FGF11: variants seen among roughly 807,000 people sequenced by gnomAD.
FGF11 encodes fibroblast growth factor homologous factor 3.
A neutral mutation model predicts 25.1 loss-of-function variants in FGF11; 25 were observed. The ratio of observed to expected loss-of-function variants is 1.00; its 90% CI spans 0.73 to 1.39. The LOEUF is 1.39. Ranked by LOEUF, FGF11 falls within the 40% of genes most tolerant of loss-of-function variation. FGF11 has a pLI of 0.00. For missense variants in FGF11, 320 were observed against 311.0 expected, an observed-to-expected ratio of 1.03 and a Z score of -0.22; for synonymous variants, 130 against 128.9, an observed-to-expected ratio of 1.01 and a Z score of -0.06.
chr17:7,440,615 A>G lies in FGF11; in HGVS notation c.193+802A>G, dbSNP rs186473644. On this transcript the variant is annotated intron_variant, in intron 1 of 4. Transcript: ENST00000293829. This position sits in a 1 kb window ranked among gnomAD's most constrained non-coding sequence, Gnocchi z 5.4. ...TGAGAGTTAGAATTGGTCCCCGTCC[A>G]TGTACGACAGTCAGGGAGTCCCTCT... 5 of 956,470 alleles carry G rather than the reference A, an allele frequency of 5.2e-6. No homozygotes were observed. In the East Asian group the frequency reaches 4.6e-4, roughly 89 times the overall value. 59.2% of individuals were successfully genotyped at this position (956,470 alleles called of 1,614,324 possible).
intron 1 of FGF11, chr17:7,441,123 C>T: frequency 3.3e-6 from 1 of 306,032 alleles, no homozygotes; most frequent in South Asian, 4.1e-5. Flanking sequence ...CCTTCAGTAC[C>T]CCTGCTGGTC....
chr17:7,442,568 G>A (rs375325452), intron 3 of FGF11, 26 bp from the exon 4 acceptor site: 664 of 1,613,578 alleles, frequency 4.1e-4, no homozygotes, highest in Non-Finnish European at 5.5e-4. Flanking sequence ...GTCTTTGTGC[G>A]CCTTTCTGGG....
At chr17:7,443,022 G>A in intron 4 of FGF11, 54 bp from the exon 5 acceptor site, 1 of 1,415,202 alleles carries the variant, frequency 7.1e-7, no homozygotes. Context: ...GTTCTGCCTG[G>A]GTCCCTCTGT....
intron 3 of FGF11, 113 bp from the exon 4 acceptor site, chr17:7,442,481 T>A: frequency 6.4e-7 from 1 of 1,550,488 alleles, no homozygotes; most frequent in African/African-American, 1.4e-5. Context: ...TCAGAAGTTG[T>A]CCTCCCCCTC....
At chr17:7,439,438 A>G (rs1259030662), upstream of FGF11, 11 of 449,086 alleles carry the variant, frequency 2.4e-5, no homozygotes, top group Non-Finnish European at 3.7e-5. Flanking sequence ...ACGGGTGGTA[A>G]CTGGCTGCTG....
In FGF11 at chr17:7,444,633, C is replaced by A. The variant is rs1908504577; in HGVS notation, c.*1487C>A. On this transcript the variant is annotated 3_prime_UTR_variant, in exon 5 of 5. Coordinates refer to ENST00000293829, the MANE Select transcript of FGF11 (RefSeq NM_004112.4). ...CAAAAAGGGCCTGTCTAGATTTTTTCAGAAAAACGTGGAGTGCTAGGGGCA... is the reference window on the plus strand; with the variant it reads ...CAAAAAGGGCCTGTCTAGATTTTTTAAGAAAAACGTGGAGTGCTAGGGGCA... 2.4e-5 allele frequency: 4 copies of A among 169,492 alleles called. No homozygotes were observed. In the South Asian group the frequency reaches 5.5e-4, roughly 23 times the overall value. The allele number at this position is 169,492 out of a possible 1,614,324, so 10.5% of individuals were successfully genotyped here.
intron 3 of FGF11, 44 bp from the exon 4 acceptor site, chr17:7,442,550 A>G (rs776905397): frequency 1.9e-6 from 3 of 1,612,182 alleles, no homozygotes; most frequent in South Asian, 1.1e-5. Context: ...GTGTCTTTTT[A>G]TCTCTCTGTC....
Position 7,439,589 on chromosome 17 carries a change from G to GCCGGTTTGGGGGTGTCTCCTC in FGF11, c.-27_-7dup. The stretch of plus-strand genomic sequence containing the variant: ...GGAGCCCAGCGCGCTCCGGGCGCCT[G>GCCGGTTTGGGGGTGTCTCCTC]CCGGTTTGGGGGTGTCTCCTCCCGG... On this transcript the variant is annotated 5_prime_UTR_variant, in exon 1 of 5. Transcript: ENST00000293829. 1 of 1,383,242 alleles carries GCCGGTTTGGGGGTGTCTCCTC rather than the reference G, an allele frequency of 7.2e-7. No individual in the cohort carries two copies. Among genetic ancestry groups the GCCGGTTTGGGGGTGTCTCCTC allele is most frequent in the Non-Finnish European group, 9.3e-7 (1 of 1,076,788 alleles). 85.7% of individuals were successfully genotyped at this position (1,383,242 alleles called of 1,614,324 possible).
rs968480734 is a variant in FGF11, at chr17:7,443,545, C to G, written c.*399C>G. On this transcript the variant is annotated 3_prime_UTR_variant, in exon 5 of 5. Coordinates refer to ENST00000293829, the MANE Select transcript of FGF11 (RefSeq NM_004112.4). ...CCTTTTCATTGCCACTGAGCCATTT[C>G]TAGATTCACTGGAGCTCAGGATTCA... 5.4e-6 allele frequency: 1 copy of G among 184,696 alleles called. No homozygotes were observed. The highest frequency in any genetic ancestry group is 1.1e-5 in the Non-Finnish European group (1 of 88,352). The allele number at this position is 184,696 out of a possible 1,614,324, so 11.4% of individuals were successfully genotyped here.
At chr17:7,441,622 T>C in intron 2 of FGF11, 41 bp downstream of exon 2, 1 of 1,612,784 alleles carries the variant, frequency 6.2e-7, no homozygotes, top group East Asian at 2.2e-5. Flanking sequence ...AGGGGGAGAA[T>C]GGGGACAGGA....
chr17:7,440,874 A>T lies in FGF11; in HGVS notation c.194-597A>T. 1 of 990,292 alleles carries T rather than the reference A, an allele frequency of 1.0e-6. No individual in the cohort carries two copies. Among genetic ancestry groups the T allele is most frequent in the Non-Finnish European group, 1.2e-6 (1 of 833,018 alleles). 61.3% of individuals were successfully genotyped at this position (990,292 alleles called of 1,614,324 possible). ...GGCCGAAGGGGAGAGGCTGAGCCTC[A>T]GGGAGAACTGGGCCCCCGGGAGCCA... is the stretch of plus-strand genomic sequence containing the variant. On this transcript the variant is annotated intron_variant, in intron 1 of 4. Coordinates refer to ENST00000293829, the MANE Select transcript of FGF11 (RefSeq NM_004112.4). This position sits in a 1 kb window ranked among gnomAD's most constrained non-coding sequence, Gnocchi z 5.4.
chr17:7,440,604 G>C lies in FGF11; in HGVS notation c.193+791G>C, dbSNP rs961853064. 6 of 923,330 alleles carry C rather than the reference G, an allele frequency of 6.5e-6. No individual in the cohort carries two copies. The African/African-American group carries it at 7.2e-5, about 11-fold the overall frequency. The allele number at this position is 923,330 out of a possible 1,614,324, so 57.2% of individuals were successfully genotyped here. A position where few individuals can be genotyped will look rare whatever the true frequency, so the allele number is the denominator to read the frequency against. ...GAGGAGAGTTGTGAGAGTTAGAATT[G>C]GTCCCCGTCCATGTACGACAGTCAG... On this transcript the variant is annotated intron_variant, in intron 1 of 4. Transcript: ENST00000293829. This position sits in a 1 kb window ranked among gnomAD's most constrained non-coding sequence, Gnocchi z 5.4.
chr17:7,442,769 A>C lies in FGF11; in HGVS notation c.584A>C (p.His195Pro). The C allele has an allele frequency of 6.2e-7, 1 of 1,614,024 alleles. No individual in the cohort carries two copies. Residue 195 changes from histidine to proline, a missense_variant, in exon 4 of 5, where the codon CAC becomes CCC. His to Pro is a moderately conservative substitution (Grantham distance 77). Transcript: ENST00000293829. ...NRVKKTKAAA[H>P]FLPKLLEVAM... ...GTTAAGAAGACCAAGGCAGCTGCCC[A>C]CTTTCTGCCCAAGCTCCTGGAGGGT...
upstream of FGF11, chr17:7,439,511 C>G: frequency 1.1e-6 from 1 of 873,800 alleles, no homozygotes; most frequent in South Asian, 2.1e-5. Context: ...GGTGGGGCAG[C>G]GAGTCGGGGC....
chr17:7,442,800 T>TAG lies in FGF11; in HGVS notation c.607+10_607+11dup. The TAG allele has an allele frequency of 6.2e-7, 1 of 1,613,638 alleles. No individual in the cohort carries two copies. The highest frequency in any genetic ancestry group is 8.5e-7 in the Non-Finnish European group (1 of 1,179,816). On this transcript the variant is annotated intron_variant, in intron 4 of 4. Coordinates refer to ENST00000293829, the MANE Select transcript of FGF11 (RefSeq NM_004112.4). ...TGCCCAAGCTCCTGGAGGGTGGGTA[T>TAG]AGACTCAAGAAAATGTGGGCCACAG... is the stretch of plus-strand genomic sequence containing the variant.
chr17:7,442,401 G>T (rs1908369208), intron 3 of FGF11, 193 bp from the exon 4 acceptor site: 9 of 1,407,420 alleles, frequency 6.4e-6, no homozygotes, highest in Non-Finnish European at 8.3e-6. Context: ...ACTGTGCTTG[G>T]CCCAGAGCCT....
chr17:7,439,919 T>A, intron 1 of FGF11, 106 bp downstream of exon 1: 1 of 936,788 alleles, frequency 1.1e-6, no homozygotes, highest in Non-Finnish European at 1.5e-6. Context: ...TCCCCGAAAG[T>A]GGAAGGGGGT....
At position 7,440,102 on chromosome 17, in the gene FGF11, C is replaced by T; in HGVS notation, c.193+289C>T. ...CCCCTTCCCAACACAGCAGTCCCCA[C>T]CCCCATCGTCCTCCGCCTACGTGCC... On this transcript the variant is annotated intron_variant, in intron 1 of 4. Transcript: ENST00000293829. The surrounding 1 kb of genome is among the most constrained non-coding windows in gnomAD (Gnocchi z 5.4). 1 of 341,420 alleles carries T rather than the reference C, an allele frequency of 2.9e-6. No individual in the cohort carries two copies. The highest frequency in any genetic ancestry group is 5.3e-6 in the Non-Finnish European group (1 of 189,978). The allele number at this position is 341,420 out of a possible 1,614,324, so 21.1% of individuals were successfully genotyped here.
At position 7,442,597 on chromosome 17, in the gene FGF11, C is replaced by A. The variant is rs778915774; in HGVS notation, c.412C>A (p.His138Asn). Residue 138 changes from histidine to asparagine, a missense_variant, in exon 4 of 5, where the codon CAT becomes AAT. His to Asn is a moderately conservative substitution (Grantham distance 68). Transcript: ENST00000293829. The stretch of plus-strand genomic sequence containing the variant: ...TTCTGGGTCTTTGTCTCCTTAGCCG[C>A]ATTTCACAGCTGAGTGTCGCTTTAA... ...NAEGLLYSSPHFTAECRFKEC... is the reference protein window; with the variant it reads ...NAEGLLYSSPNFTAECRFKEC... 1 of 1,614,196 alleles carries A rather than the reference C, an allele frequency of 6.2e-7. No homozygotes were observed. Among genetic ancestry groups the A allele is most frequent in the Admixed American group, 1.7e-5 (1 of 60,024 alleles).
Sources: allele counts gnomAD v4.1 joint callset, GRCh38; gene constraint gnomAD v4.1.1; non-coding constraint Gnocchi (gnomAD v3.1); transcripts MANE v1.5; gene names NCBI Gene and HGNC (gene_info 2026-07-23, HGNC 2026-07-21).